Variants in STRA8 observed in about 807,000 individuals in gnomAD.
STRA8 encodes stimulated by retinoic acid 8.
Under a neutral mutation model 37.1 loss-of-function variants are expected in STRA8, and 18 were observed. That is an observed-to-expected ratio of 0.48 (90% CI 0.34 to 0.72). STRA8 has a LOEUF of 0.72. Ranked by LOEUF, STRA8 falls within the 30% of genes least tolerant of loss-of-function variation. The pLI is 0.01. For missense variants in STRA8, 357 were observed against 410.4 expected (o/e 0.87, Z 1.13); for synonymous variants, 168 against 162.9 (o/e 1.03, Z -0.24).
At chr7:135,258,303 G>A (rs1832730519) in intron 8 of STRA8, 115 bp from the exon 9 acceptor site, 1 of 771,996 alleles carries the variant, frequency 1.3e-6, no homozygotes, top group African/African-American at 1.7e-5. Context: ...CAGCGGAAGA[G>A]ACGTAGGATA....
At chr7:135,234,744 AATC>A (rs1832345698) in intron 1 of STRA8, among the ~76,000 whole-genome samples, 1 of 152,250 alleles carries the variant, frequency 6.6e-6, no homozygotes, top group African/African-American at 2.4e-5. Flanking sequence ...TGACAGTGTT[AATC>A]CTCACAAAAT....
chr7:135,233,077 G>A (rs925805756), upstream of STRA8, among the ~76,000 whole-genome samples: 2 of 152,202 alleles, frequency 1.3e-5, no homozygotes, highest in Non-Finnish European at 2.9e-5. Flanking sequence ...TGAGCATCAC[G>A]AAATATTGCA....
chr7:135,233,735 TC>T (rs1832325542), upstream of STRA8, among the ~76,000 whole-genome samples: 1 of 151,940 alleles, frequency 6.6e-6, no homozygotes, highest in Non-Finnish European at 1.5e-5. Flanking sequence ...TCACCACGCA[TC>T]CCCATTGGCT....
chr7:135,238,905 T>C (rs191887606), intron 1 of STRA8, among the ~76,000 whole-genome samples: 100 of 152,288 alleles, frequency 6.6e-4, no homozygotes, highest in Admixed American at 1.4e-3. Context: ...TGTTTTCCCT[T>C]GGAAGATACC....
chr7:135,246,322 C>T lies in STRA8; in HGVS notation c.594-95C>T, dbSNP rs1832552534. ...CCCTGGTGAGCCGTGGCGCCGTGGC[C>T]GGGCCTGCGTGCTGGGGTCCACACC... On this transcript the variant is annotated intron_variant, in intron 5 of 8. Coordinates refer to ENST00000662584, the MANE Select transcript of STRA8 (RefSeq NM_001394401.1). This position sits in a 1 kb window ranked among gnomAD's most constrained non-coding sequence, Gnocchi z 5.4. 7 of 1,512,610 alleles carry T rather than the reference C, an allele frequency of 4.6e-6. No individual in the cohort carries two copies. Among genetic ancestry groups the T allele is most frequent in the Non-Finnish European group, 6.3e-6 (7 of 1,114,740 alleles). 93.7% of individuals were successfully genotyped at this position (1,512,610 alleles called of 1,614,324 possible). A position where few individuals can be genotyped will look rare whatever the true frequency, so the allele number is the denominator to read the frequency against.
At chr7:135,234,955 C>A (rs933213446) in intron 1 of STRA8, among the ~76,000 whole-genome samples, 1 of 152,242 alleles carries the variant, frequency 6.6e-6, no homozygotes, top group Non-Finnish European at 1.5e-5. Flanking sequence ...CAGCTCACTG[C>A]AACCTCTGCT....
intron 1 of STRA8, among the ~76,000 whole-genome samples, 85 bp downstream of exon 1, chr7:135,233,988 C>T (rs1313510054): frequency 1.3e-5 from 2 of 152,138 alleles, no homozygotes; most frequent in African/African-American, 4.8e-5. Context: ...TTCAGTGCAG[C>T]GGAGCCTAAC....
chr7:135,243,444 C>A (rs1380081835), intron 4 of STRA8, 34 bp downstream of exon 4: 3 of 1,593,460 alleles, frequency 1.9e-6, no homozygotes, highest in Non-Finnish European at 2.6e-6. Context: ...AGCTGGGGAC[C>A]TGCTGTGTCC....
At chr7:135,247,828 C>A (rs145711973) in intron 6 of STRA8, among the ~76,000 whole-genome samples, 20 of 152,346 alleles carry the variant, frequency 1.3e-4, no homozygotes, top group African/African-American at 4.6e-4. Context: ...TCGCCCTGCA[C>A]GGAGATAAAA....
intron 2 of STRA8, 94 bp downstream of exon 2, chr7:135,240,810 TG>T (rs1461547923): frequency 1.4e-6 from 2 of 1,390,008 alleles, no homozygotes; most frequent in Non-Finnish European, 2.0e-6. Context: ...GGGACTGGCC[TG>T]GAGCTGCCAC....
chr7:135,255,720 G>T (rs1397148485), intron 8 of STRA8, among the ~76,000 whole-genome samples: 2 of 152,168 alleles, frequency 1.3e-5, no homozygotes, highest in African/African-American at 4.8e-5. Flanking sequence ...AACCACCCTT[G>T]CCCCCCAGGT....
At chr7:135,249,105 A>C (rs1832604493) in intron 6 of STRA8, among the ~76,000 whole-genome samples, 2 of 152,248 alleles carry the variant, frequency 1.3e-5, no homozygotes, top group African/African-American at 4.8e-5. Flanking sequence ...CATGGGCTAC[A>C]TAAAGATGTT....
At position 135,246,691 on chromosome 7, in the gene STRA8, A is replaced by T; in HGVS notation, c.868A>T (p.Thr290Ser). 6.6e-7 allele frequency: 1 copy of T among 1,524,508 alleles called. No individual in the cohort carries two copies. The highest frequency in any genetic ancestry group is 2.1e-5 in the Admixed American group (1 of 47,568). The allele number at this position is 1,524,508 out of a possible 1,614,324, so 94.4% of individuals were successfully genotyped here. The change falls in exon 6 of 9, where the codon ACG becomes TCG. Residue 290 changes from threonine to serine, a missense_variant. Physicochemically the swap from Thr to Ser is moderately conservative, Grantham distance 58. Coordinates refer to ENST00000662584, the MANE Select transcript of STRA8 (RefSeq NM_001394401.1). This position sits in a 1 kb window ranked among gnomAD's most constrained non-coding sequence, Gnocchi z 5.4. ...GGGGGCCAGCTGCTCGCTGGTCTCC[A>T]CGCCCGAGGAGGTGAGCAGGCCCAC... ...SQGASCSLVS[T>S]PEEILFEDAF...
At chr7:135,248,358 A>G (rs902152734) in intron 6 of STRA8, among the ~76,000 whole-genome samples, 5 of 151,478 alleles carry the variant, frequency 3.3e-5, no homozygotes, top group Non-Finnish European at 7.4e-5. Flanking sequence ...TCAACCCTCC[A>G]TTATCTCCCC....
chr7:135,258,142 T>C (rs1446902016), intron 8 of STRA8, among the ~76,000 whole-genome samples: 1 of 152,244 alleles, frequency 6.6e-6, no homozygotes, highest in African/African-American at 2.4e-5. Flanking sequence ...TCTGTCTCTC[T>C]TGTGGGAACC....
intron 1 of STRA8, among the ~76,000 whole-genome samples, chr7:135,239,520 G>A (rs1018223058): frequency 6.6e-6 from 1 of 152,290 alleles, no homozygotes; most frequent in Admixed American, 6.5e-5. Context: ...CACCTAATGG[G>A]GGCCAGGCTC....
chr7:135,243,411 G>C lies in STRA8; in HGVS notation c.353+1G>C. The stretch of plus-strand genomic sequence containing the variant: ...CCAGCATGTATTCTGGAAATGACAG[G>C]TAAGACACCACAAACCCCAGGAAGC... On this transcript the variant is annotated splice_donor_variant, in intron 4 of 8. Transcript: ENST00000662584. LOFTEE classifies it high-confidence loss of function. 6.2e-7 allele frequency: 1 copy of C among 1,613,916 alleles called. No individual in the cohort carries two copies. The highest frequency in any genetic ancestry group is 8.5e-7 in the Non-Finnish European group (1 of 1,179,880).
intron 1 of STRA8, among the ~76,000 whole-genome samples, chr7:135,237,498 C>T (rs1304676452): frequency 6.6e-6 from 1 of 152,216 alleles, no homozygotes; most frequent in Admixed American, 6.5e-5. Context: ...CTCCTCTCCC[C>T]ATCCTAGACA....
At chr7:135,256,373 C>A (rs1244246349) in intron 8 of STRA8, among the ~76,000 whole-genome samples, 1 of 152,172 alleles carries the variant, frequency 6.6e-6, no homozygotes. Flanking sequence ...ACCAGTTGTC[C>A]CCTCTTTCTC....
Sources: gnomAD v4.1 joint callset for allele counts (sites outside exome capture counted in the v4.1 genomes callset) on GRCh38, gnomAD v4.1.1 for gene constraint, Gnocchi (gnomAD v3.1) non-coding constraint, MANE v1.5 for transcripts, NCBI Gene and HGNC (gene_info 2026-07-23, HGNC 2026-07-21) for gene names.